The following MFAP3 variants were observed in gnomAD, a reference collection of about 807,000 sequenced individuals.
MFAP3 encodes microfibril associated protein 3.
A neutral mutation model predicts 20.5 loss-of-function variants in MFAP3; 8 were observed. That is an observed-to-expected ratio of 0.39 (90% CI 0.23 to 0.70). The LOEUF is 0.70. MFAP3 is among the 30% of genes least tolerant of loss of function. The pLI is 0.44. For missense variants in MFAP3, 398 were observed against 444.6 expected (o/e 0.90, Z 0.94); for synonymous variants, 140 against 154.0 (o/e 0.91, Z 0.67).
chr5:154,041,873 G>A (rs559254633), intron 1 of MFAP3, among the ~76,000 whole-genome samples: 6 of 152,270 alleles, frequency 3.9e-5, no homozygotes, highest in African/African-American at 1.2e-4. Flanking sequence ...AATAACAATA[G>A]CATATATTTA....
intron 1 of MFAP3, among the ~76,000 whole-genome samples, chr5:154,040,414 G>A (rs527635434): frequency 3.3e-5 from 5 of 152,250 alleles, no homozygotes; most frequent in East Asian, 3.9e-4. Context: ...CTAGATTTTC[G>A]TAACTTCTAC....
chr5:154,041,779 T>A (rs1772959489), intron 1 of MFAP3, among the ~76,000 whole-genome samples: 1 of 152,140 alleles, frequency 6.6e-6, no homozygotes. Flanking sequence ...AAGGGGATAG[T>A]GTGGTATACC....
At chr5:154,044,078 GCTGT>G (rs1258575813) in intron 1 of MFAP3, among the ~76,000 whole-genome samples, 2 of 152,288 alleles carry the variant, frequency 1.3e-5, no homozygotes, top group East Asian at 3.9e-4. Context: ...CTGTTTCTGG[GCTGT>G]CTTTCAAGCT....
intron 2 of MFAP3, 136 bp downstream of exon 2, chr5:154,050,153 G>A (rs776868378): frequency 6.4e-6 from 5 of 783,816 alleles, no homozygotes; most frequent in Non-Finnish European, 9.2e-6. Flanking sequence ...GGTCTGGAGT[G>A]TTGTACCTAT....
chr5:154,042,720 C>T (rs1404148521), intron 1 of MFAP3, among the ~76,000 whole-genome samples: 4 of 152,044 alleles, frequency 2.6e-5, no homozygotes, highest in Admixed American at 1.3e-4. Flanking sequence ...GGAACTGGTC[C>T]GTTTTCCAAG....
rs910349412 is a variant in MFAP3, at chr5:154,056,845, A to G, written c.*3132A>G. ...AATTCTTGAGTCAGGGCCAGCACGC[A>G]TTTATATTTTCTACCAATTACCTTG... On this transcript the variant is annotated 3_prime_UTR_variant, in exon 3 of 3. Transcript: ENST00000522782. Among the ~76,000 whole-genome samples, 6 of 152,214 alleles carry G rather than the reference A, an allele frequency of 3.9e-5. No individual in the cohort carries two copies. The highest frequency in any genetic ancestry group is 1.2e-4 in the African/African-American group (5 of 41,448).
At chr5:154,045,527 G>A (rs936796079) in intron 1 of MFAP3, among the ~76,000 whole-genome samples, 5 of 152,076 alleles carry the variant, frequency 3.3e-5, no homozygotes, top group African/African-American at 1.2e-4. Flanking sequence ...TTATAATGAT[G>A]TAACTATCAA....
At chr5:154,044,086 T>G (rs1773023626) in intron 1 of MFAP3, among the ~76,000 whole-genome samples, 1 of 152,242 alleles carries the variant, frequency 6.6e-6, no homozygotes, top group African/African-American at 2.4e-5. Context: ...GGGCTGTCTT[T>G]CAAGCTGGTT....
intron 1 of MFAP3, among the ~76,000 whole-genome samples, chr5:154,042,642 T>C (rs1235093490): frequency 6.6e-6 from 1 of 152,200 alleles, no homozygotes; most frequent in Non-Finnish European, 1.5e-5. Flanking sequence ...AACAACCTGC[T>C]CTTCATTTGC....
intron 2 of MFAP3, among the ~76,000 whole-genome samples, chr5:154,051,579 CTT>C (rs930190728): frequency 1.3e-5 from 2 of 152,124 alleles, no homozygotes; most frequent in Non-Finnish European, 2.9e-5. Flanking sequence ...TGAATGGAGT[CTT>C]TGTAGTTCAT....
Position 154,049,756 on chromosome 5 carries a change from G to A in MFAP3, c.34G>A (p.Ala12Thr). The change falls in exon 2 of 3, where the codon GCA becomes ACA. Residue 12 changes from alanine to threonine, a missense_variant. By Grantham distance (58) the Ala-to-Thr change is moderately conservative (BLOSUM62 0). Transcript: ENST00000522782. ...KLHCCLFTLV[A>T]SIIVPAAFVL... ...ACATTGTTGCTTATTCACTTTAGTG[G>A]CAAGTATTATTGTGCCAGCTGCTTT... The A allele has an allele frequency of 1.2e-6, 2 of 1,613,508 alleles. No individual in the cohort carries two copies. The highest frequency in any genetic ancestry group is 2.2e-5 in the South Asian group (2 of 91,052).
chr5:154,041,714 A>G (rs1315663804), intron 1 of MFAP3, among the ~76,000 whole-genome samples: 1 of 152,172 alleles, frequency 6.6e-6, no homozygotes, highest in African/African-American at 2.4e-5. Context: ...TGAGTGTCAC[A>G]GTGTTTGGAT....
chr5:154,040,053 T>C (rs183002352), intron 1 of MFAP3, among the ~76,000 whole-genome samples: 1 of 152,206 alleles, frequency 6.6e-6, no homozygotes, highest in Non-Finnish European at 1.5e-5. Flanking sequence ...TCTGTTGTAA[T>C]GGAAAATGCA....
chr5:154,048,590 A>AT (rs1353824702), intron 1 of MFAP3, among the ~76,000 whole-genome samples: 2 of 152,122 alleles, frequency 1.3e-5, no homozygotes, highest in African/African-American at 4.8e-5. Flanking sequence ...TAAAAGTTGA[A>AT]TTTTTTCTTT....
In MFAP3 at chr5:154,055,333, T is replaced by C. The variant is rs147223582; in HGVS notation, c.*1620T>C. Among the ~76,000 whole-genome samples the C allele has an allele frequency of 2.9e-3, 443 of 152,338 alleles. No homozygotes were observed. The highest frequency in any genetic ancestry group is 3.4e-3 in the Middle Eastern group (1 of 294). ...TCATGCCTCCCTTTGTCCAGGCTTA[T>C]CAGAAGTAATACATCTGCTCTGAAT... On this transcript the variant is annotated 3_prime_UTR_variant, in exon 3 of 3. Transcript: ENST00000522782.
intron 1 of MFAP3, among the ~76,000 whole-genome samples, chr5:154,046,481 T>C (rs1258330467): frequency 1.3e-5 from 2 of 152,152 alleles, no homozygotes; most frequent in East Asian, 3.8e-4. Flanking sequence ...TGGGATAGAC[T>C]GCCTAGCAGT....
intron 1 of MFAP3, among the ~76,000 whole-genome samples, chr5:154,048,192 T>C (rs7737734): frequency 0.019 from 2,861 of 152,296 alleles, 90 homozygotes; most frequent in African/African-American, 0.063. Context: ...GCCTAAGTCT[T>C]TGTTTCCTTT....
rs1211613376 is a variant in MFAP3, at chr5:154,055,358, T to G, written c.*1645T>G. On this transcript the variant is annotated 3_prime_UTR_variant, in exon 3 of 3. Transcript: ENST00000522782. ...TCAGAAGTAATACATCTGCTCTGAA[T>G]AGCATGAATGAATCAATGTGCAGTT... Among the ~76,000 whole-genome samples the G allele has an allele frequency of 6.6e-6, 1 of 152,210 alleles. No homozygotes were observed. The highest frequency in any genetic ancestry group is 1.9e-4 in the East Asian group (1 of 5,200).
chr5:154,052,888 T>C, intron 2 of MFAP3, 32 bp from the exon 3 acceptor site: 1 of 1,394,116 alleles, frequency 7.2e-7, no homozygotes, highest in Non-Finnish European at 9.7e-7. Context: ...CTTTTTGCTA[T>C]AATTTTTTTT....
Sources: allele counts gnomAD v4.1 joint callset (sites outside exome capture counted in the v4.1 genomes callset), GRCh38; gene constraint gnomAD v4.1.1; transcripts MANE v1.5; gene names NCBI Gene and HGNC (gene_info 2026-07-23, HGNC 2026-07-21).